CD84: variants seen among roughly 807,000 people sequenced by gnomAD.
CD84 encodes CD84 molecule, also known as SLAM family member 5.
CD84 carries 22 observed loss-of-function variants against 33.8 expected under a neutral mutation model. The ratio of observed to expected loss-of-function variants is 0.65; its 90% CI spans 0.46 to 0.93. CD84 has a LOEUF of 0.93. Among genes scored for constraint, CD84 ranks in the 40% least tolerant of loss-of-function variants. The pLI is 0.00. For missense variants in CD84, 400 were observed against 397.6 expected, an observed-to-expected ratio of 1.01 and a Z score of -0.05; for synonymous variants, 154 against 145.2, an observed-to-expected ratio of 1.06 and a Z score of -0.44.
At position 160,565,480 on chromosome 1, in the gene CD84, T is replaced by G. The variant is rs752621604; in HGVS notation, c.312A>C (p.Ala104=). The part of the protein sequence containing the change: ...LVISDLRMED[A]GDYKADINTQ... ...TATTTATGTCTGCTTTGTAGTCTCC[T>G]GCGTCTTCCATCCTCAGATCGCTAA... The change falls in exon 2 of 7, where the codon GCA becomes GCC. Residue 104 remains alanine (A), a synonymous_variant. Coordinates refer to ENST00000368054, the MANE Select transcript of CD84 (RefSeq NM_003874.4). The G allele has an allele frequency of 6.8e-6, 11 of 1,613,852 alleles. No individual in the cohort carries two copies. The South Asian group carries it at 1.2e-4, about 18-fold the overall frequency.
In CD84 at chr1:160,549,841, T is replaced by C. The variant is rs183373536; in HGVS notation, c.921+76A>G. The C allele has an allele frequency of 5.5e-6, 6 of 1,099,380 alleles. No individual in the cohort carries two copies. In the African/African-American group the frequency reaches 9.2e-5, roughly 17 times the overall value. The allele number at this position is 1,099,380 out of a possible 1,614,324, so 68.1% of individuals were successfully genotyped here. On this transcript the variant is annotated intron_variant, in intron 6 of 6. Transcript: ENST00000368054. Reference sequence around the variant, plus strand: ...AGTCCCAGGGGAACCAGCTAGCCCCTGGTTGGATGGACCGGGTGCACCAGA... The same window carrying C: ...AGTCCCAGGGGAACCAGCTAGCCCCCGGTTGGATGGACCGGGTGCACCAGA...
intron 1 of CD84, among the ~76,000 whole-genome samples, chr1:160,568,642 T>C (rs2102190959): frequency 6.6e-6 from 1 of 152,264 alleles, no homozygotes; most frequent in Middle Eastern, 3.4e-3. Context: ...TTAGACAAAG[T>C]CTCACTCTCT....
At position 160,553,448 on chromosome 1, in the gene CD84, C is replaced by A; in HGVS notation, c.690G>T (p.Leu230=). ...RTHHTGLLSV[L]AMFFLLVLIL... ...TGAGAACAAGCAGAAAGAACATAGCCAGCACGCTCAGCAACCCGGTGTGGT... is the reference window on the plus strand; with the variant it reads ...TGAGAACAAGCAGAAAGAACATAGCAAGCACGCTCAGCAACCCGGTGTGGT... Residue 230 remains leucine, a synonymous_variant, in exon 4 of 7, where the codon CTG becomes CTT. Transcript: ENST00000368054. 3.7e-6 allele frequency: 6 copies of A among 1,614,024 alleles called. No individual in the cohort carries two copies. Among genetic ancestry groups the A allele is most frequent in the Non-Finnish European group, 5.1e-6 (6 of 1,179,986 alleles).
chr1:160,562,658 C>T lies in CD84; in HGVS notation c.388+2746G>A, dbSNP rs141327332. ...GGCAATACCATTCAGGACATAGGCA[C>T]GGGCACAGATTTCATGATGAAAATG... On this transcript the variant is annotated intron_variant, in intron 2 of 6. Coordinates refer to ENST00000368054, the MANE Select transcript of CD84 (RefSeq NM_003874.4). Among the ~76,000 whole-genome samples, 817 of 152,060 alleles carry T rather than the reference C, an allele frequency of 5.4e-3. 5 individuals carry two copies. The highest frequency in any genetic ancestry group is 0.019 in the African/African-American group (769 of 41,470).
At chr1:160,574,300 T>C (rs183160084) in intron 1 of CD84, among the ~76,000 whole-genome samples, 80 of 152,282 alleles carry the variant, frequency 5.3e-4, no homozygotes, top group African/African-American at 1.8e-3. Context: ...ATCAGATGGC[T>C]AACTGCAATT....
intron 2 of CD84, among the ~76,000 whole-genome samples, chr1:160,561,342 G>A (rs1656944355): frequency 6.6e-6 from 1 of 152,098 alleles, no homozygotes; most frequent in South Asian, 2.1e-4. Flanking sequence ...TCATCCCTAG[G>A]ATGCAAGTTT....
At chr1:160,566,605 G>A (rs922069991) in intron 1 of CD84, among the ~76,000 whole-genome samples, 2 of 152,176 alleles carry the variant, frequency 1.3e-5, no homozygotes, top group Non-Finnish European at 2.9e-5. Flanking sequence ...GGATACAACG[G>A]CGAGAAGAAA....
intron 2 of CD84, among the ~76,000 whole-genome samples, chr1:160,562,957 G>A (rs927730416): frequency 1.1e-4 from 17 of 152,024 alleles, no homozygotes; most frequent in Non-Finnish European, 2.1e-4. Flanking sequence ...CTCAAAAGAA[G>A]ACATTCATGC....
chr1:160,573,356 A>T (rs2134705), intron 1 of CD84, among the ~76,000 whole-genome samples: 128,334 of 151,956 alleles, frequency 0.84, 55,091 homozygotes, highest in Non-Finnish European at 0.93. Context: ...TTCTCCTTAG[A>T]TTCTATTAAA....
intron 1 of CD84, among the ~76,000 whole-genome samples, chr1:160,574,984 G>T (rs999677548): frequency 6.6e-6 from 1 of 152,058 alleles, no homozygotes; most frequent in African/African-American, 2.4e-5. Flanking sequence ...TTAGAGTTGG[G>T]GTATTGGGGA....
chr1:160,579,319 A>G, intron 1 of CD84, 73 bp downstream of exon 1: 2 of 1,605,030 alleles, frequency 1.2e-6, no homozygotes, highest in Non-Finnish European at 1.7e-6. Flanking sequence ...AAGACAGTTC[A>G]ATGTCTTCCT....
chr1:160,578,415 T>C (rs929390731), intron 1 of CD84, among the ~76,000 whole-genome samples: 4 of 152,088 alleles, frequency 2.6e-5, no homozygotes. Context: ...ACAATCTCCA[T>C]GAAGTTCAAA....
intron 6 of CD84, among the ~76,000 whole-genome samples, 157 bp downstream of exon 6, chr1:160,549,760 G>A (rs894732761): frequency 6.6e-6 from 1 of 152,138 alleles, no homozygotes; most frequent in African/African-American, 2.4e-5. Context: ...CTTTGTGCAT[G>A]GGTGGAAGTA....
rs1264064097 is a variant in CD84, at chr1:160,542,464, G to A, written c.*5792C>T. 2.0e-5 allele frequency: 3 copies of A among 152,202 alleles called. No homozygotes were observed. Among genetic ancestry groups the A allele is most frequent in the Non-Finnish European group, 4.4e-5 (3 of 68,036 alleles). The allele number at this position is 152,202 out of a possible 1,614,324, so 9.4% of individuals were successfully genotyped here. A position where few individuals can be genotyped will look rare whatever the true frequency, so the allele number is the denominator to read the frequency against. ...ACTTGAGGTGACTTCTGACATCTATGCAGAGATGACCCATAAACTATTGGA... is the reference window on the plus strand; with the variant it reads ...ACTTGAGGTGACTTCTGACATCTATACAGAGATGACCCATAAACTATTGGA... On this transcript the variant is annotated 3_prime_UTR_variant, in exon 7 of 7. Coordinates refer to ENST00000368054, the MANE Select transcript of CD84 (RefSeq NM_003874.4).
At chr1:160,550,593 TCA>T in intron 5 of CD84, 6 of 983,306 alleles carry the variant, frequency 6.1e-6, no homozygotes, top group Non-Finnish European at 7.2e-6. Context: ...ACGTTGGTAG[TCA>T]CATAGCAGCC....
intron 2 of CD84, among the ~76,000 whole-genome samples, chr1:160,560,032 A>T (rs978213368): frequency 6.6e-6 from 1 of 152,176 alleles, no homozygotes; most frequent in Non-Finnish European, 1.5e-5. Flanking sequence ...TTAGACTCTC[A>T]CACAATAATA....
chr1:160,567,440 G>A (rs1657402256), intron 1 of CD84, among the ~76,000 whole-genome samples: 1 of 152,154 alleles, frequency 6.6e-6, no homozygotes, highest in African/African-American at 2.4e-5. Flanking sequence ...TTTAGTTGGG[G>A]GTTGGCTAAG....
In CD84 at chr1:160,548,334, G is replaced by A. The variant is rs542240490; in HGVS notation, c.922-13C>T. On this transcript the variant is annotated splice_polypyrimidine_tract_variant and intron_variant, in intron 6 of 6. Coordinates refer to ENST00000368054, the MANE Select transcript of CD84 (RefSeq NM_003874.4). ...TGGCTTTCCCCATCTGTGCAGGAGA[G>A]AAGCGTGAGAAAATGTTAACTGAGA... is the stretch of plus-strand genomic sequence containing the variant. 19 of 1,614,052 alleles carry A rather than the reference G, an allele frequency of 1.2e-5. No individual in the cohort carries two copies. The South Asian group carries it at 2.0e-4, about 17-fold the overall frequency.
intron 1 of CD84, among the ~76,000 whole-genome samples, chr1:160,569,238 G>T (rs970157232): frequency 6.6e-6 from 1 of 152,154 alleles, no homozygotes; most frequent in Non-Finnish European, 1.5e-5. Context: ...GACAGTTTCA[G>T]GTACCCTGGA....
Sources: gnomAD v4.1 joint callset for allele counts (sites outside exome capture counted in the v4.1 genomes callset) on GRCh38, gnomAD v4.1.1 for gene constraint, MANE v1.5 for transcripts, NCBI Gene and HGNC (gene_info 2026-07-23, HGNC 2026-07-21) for gene names.